Variants in STXBP5L observed in about 807,000 individuals in gnomAD.
STXBP5L encodes the protein syntaxin-binding protein 5-like.
A neutral mutation model predicts 144.5 loss-of-function variants in STXBP5L; 65 were observed. The ratio of observed to expected loss-of-function variants is 0.45; its 90% confidence interval spans 0.37 to 0.55. The LOEUF is 0.55. Among genes scored for constraint, STXBP5L ranks in the 20% least tolerant of loss-of-function variants. STXBP5L has a pLI of 0.00. For missense variants in STXBP5L, 1,298 were observed against 1,405.5 expected (o/e 0.92, Z 1.22); for synonymous variants, 505 against 469.6 (o/e 1.08, Z -0.97).
intron 3 of STXBP5L, among the ~76,000 whole-genome samples, chr3:121,023,218 T>C (rs1277453521): frequency 2.0e-5 from 3 of 151,828 alleles, no homozygotes; most frequent in African/African-American, 4.8e-5. Flanking sequence ...CAAGGAAAAC[T>C]ACAAAACACT....
intron 22 of STXBP5L, among the ~76,000 whole-genome samples, chr3:121,384,912 T>A (rs1434872590): frequency 2.0e-5 from 3 of 152,046 alleles, no homozygotes; most frequent in Non-Finnish European, 4.4e-5. Flanking sequence ...TAAAACTCAT[T>A]TTAAGTTTTA....
chr3:120,917,916 A>G (rs1326175650), intron 2 of STXBP5L, among the ~76,000 whole-genome samples: 1 of 152,222 alleles, frequency 6.6e-6, no homozygotes, highest in East Asian at 1.9e-4. Flanking sequence ...GCTTAAAACA[A>G]CACGAATTTA....
intron 9 of STXBP5L, among the ~76,000 whole-genome samples, chr3:121,169,787 T>A (rs909513927): frequency 5.3e-5 from 8 of 152,126 alleles, no homozygotes; most frequent in African/African-American, 1.9e-4. Flanking sequence ...GACAGATCCA[T>A]GAGACAGAAA....
chr3:121,376,314 C>A (rs1159229016), intron 20 of STXBP5L, among the ~76,000 whole-genome samples: 1 of 152,164 alleles, frequency 6.6e-6, no homozygotes, highest in Non-Finnish European at 1.5e-5. Flanking sequence ...ATGTACCCTT[C>A]TTAACTGCAC....
At chr3:120,989,680 T>C (rs35821439) in intron 3 of STXBP5L, among the ~76,000 whole-genome samples, 135 of 152,314 alleles carry the variant, frequency 8.9e-4, no homozygotes, top group Non-Finnish European at 1.8e-3. Context: ...GTTTTTGTTT[T>C]ACGTATTACG....
At chr3:120,984,680 T>C (rs994020010) in intron 3 of STXBP5L, among the ~76,000 whole-genome samples, 42 of 143,938 alleles carry the variant, frequency 2.9e-4, no homozygotes, top group African/African-American at 1.0e-3. Context: ...CTAGAACTTC[T>C]AGTAAGTACC....
intron 4 of STXBP5L, among the ~76,000 whole-genome samples, chr3:121,043,317 TCTG>T (rs1319817727): frequency 6.6e-6 from 1 of 152,196 alleles, no homozygotes. Flanking sequence ...ACTGTGGTGT[TCTG>T]CTTACTTTCA....
intron 20 of STXBP5L, among the ~76,000 whole-genome samples, chr3:121,374,386 A>C (rs922658332): frequency 6.6e-6 from 1 of 152,220 alleles, no homozygotes; most frequent in Non-Finnish European, 1.5e-5. Context: ...ATGTAAGGAC[A>C]TGTGAACACA....
chr3:121,358,498 G>A (rs1349485185), intron 20 of STXBP5L, among the ~76,000 whole-genome samples: 1 of 152,140 alleles, frequency 6.6e-6, no homozygotes, highest in Non-Finnish European at 1.5e-5. Flanking sequence ...AGTGCTGCAT[G>A]TTTTTAAACA....
intron 3 of STXBP5L, among the ~76,000 whole-genome samples, chr3:121,030,518 G>A (rs916019263): frequency 1.3e-5 from 2 of 152,022 alleles, no homozygotes; most frequent in Non-Finnish European, 2.9e-5. Context: ...ATCACACACC[G>A]GGGCATGTTG....
chr3:121,408,004 A>G (rs1377288574), intron 23 of STXBP5L, among the ~76,000 whole-genome samples: 3 of 152,028 alleles, frequency 2.0e-5, no homozygotes, highest in East Asian at 3.8e-4. Flanking sequence ...TACTTCACCC[A>G]AGAAATTTAC....
chr3:121,263,505 G>A (rs1253055812), intron 18 of STXBP5L, among the ~76,000 whole-genome samples: 2 of 152,052 alleles, frequency 1.3e-5, no homozygotes, highest in African/African-American at 2.4e-5. Context: ...TCAGAAGGCA[G>A]GTAATAACAA....
intron 3 of STXBP5L, among the ~76,000 whole-genome samples, chr3:120,986,299 G>T (rs1942279992): frequency 6.6e-6 from 1 of 151,842 alleles, no homozygotes; most frequent in Admixed American, 6.6e-5. Context: ...TTAATTATTG[G>T]CCTAACGTAT....
intron 2 of STXBP5L, among the ~76,000 whole-genome samples, chr3:120,938,045 G>T (rs1710359622): frequency 6.6e-6 from 1 of 151,652 alleles, no homozygotes; most frequent in South Asian, 2.1e-4. Flanking sequence ...TATCTTCCAT[G>T]TAAAAAAGTT....
At chr3:121,094,382 T>C (rs1244532021) in intron 5 of STXBP5L, among the ~76,000 whole-genome samples, 3 of 152,148 alleles carry the variant, frequency 2.0e-5, no homozygotes, top group Non-Finnish European at 4.4e-5. Flanking sequence ...TGTTAAAGTC[T>C]CCCATTATTA....
chr3:121,008,478 C>A (rs1944519891), intron 3 of STXBP5L, among the ~76,000 whole-genome samples: 1 of 151,966 alleles, frequency 6.6e-6, no homozygotes, highest in Admixed American at 6.6e-5. Flanking sequence ...ATGAGGAAAC[C>A]ATTTCTACTT....
chr3:121,252,793 C>G (rs2050068713), intron 15 of STXBP5L, among the ~76,000 whole-genome samples: 1 of 152,140 alleles, frequency 6.6e-6, no homozygotes, highest in African/African-American at 2.4e-5. Flanking sequence ...TTTGATTATA[C>G]CTTCGCTGGG....
At chr3:121,270,696 G>A (rs747083507) in intron 18 of STXBP5L, among the ~76,000 whole-genome samples, 24 of 152,102 alleles carry the variant, frequency 1.6e-4, no homozygotes, top group Middle Eastern at 3.4e-3. Flanking sequence ...CATGTGATCC[G>A]CCCACCTAGG....
intron 5 of STXBP5L, among the ~76,000 whole-genome samples, chr3:121,087,405 G>C (rs2042550424): frequency 6.6e-6 from 1 of 151,942 alleles, no homozygotes; most frequent in Non-Finnish European, 1.5e-5. Flanking sequence ...TCTTGGTAGA[G>C]TGACCATTTT....
Sources: allele counts gnomAD v4.1 joint callset (sites outside exome capture counted in the v4.1 genomes callset), GRCh38; gene constraint gnomAD v4.1.1; transcripts MANE v1.5; gene names NCBI Gene and HGNC (gene_info 2026-07-23, HGNC 2026-07-21).